Variants in PTER observed in about 807,000 individuals in gnomAD.
PTER encodes phosphotriesterase related.
A neutral mutation model predicts 29.6 loss-of-function variants in PTER; 38 were observed. That is an observed-to-expected ratio of 1.28 (90% CI 0.99 to 1.68). The LOEUF (loss-of-function observed/expected upper bound fraction) is 1.68. Ranked by LOEUF, PTER falls within the 40% of genes most tolerant of loss-of-function variation. The pLI, the probability that PTER is intolerant of heterozygous loss-of-function variation, is 0.00. For synonymous variants in PTER, 172 were observed against 154.5 expected (o/e 1.11, Z -0.84); for missense variants, 482 against 427.8 (o/e 1.13, Z -1.12).
intron 1 of PTER, among the ~76,000 whole-genome samples, chr10:16,462,909 G>A (rs1834670820): frequency 6.6e-6 from 1 of 151,574 alleles, no homozygotes. Context: ...TAAGATTGAT[G>A]GCTGCCGGGC....
At chr10:16,451,945 G>A (rs528344155) in intron 1 of PTER, among the ~76,000 whole-genome samples, 13 of 152,092 alleles carry the variant, frequency 8.5e-5, no homozygotes, top group East Asian at 5.8e-4. Context: ...ATTTATGCTC[G>A]TATCATCTTC....
chr10:16,485,382 T>G (rs1421459634), intron 2 of PTER, among the ~76,000 whole-genome samples: 1 of 152,220 alleles, frequency 6.6e-6, no homozygotes, highest in East Asian at 1.9e-4. Flanking sequence ...GGAAGTAAAT[T>G]GTTTAGGGAC....
intron 1 of PTER, among the ~76,000 whole-genome samples, chr10:16,463,299 C>A (rs1440722408): frequency 6.6e-6 from 1 of 151,776 alleles, no homozygotes; most frequent in Non-Finnish European, 1.5e-5. Context: ...TCCTGATAAA[C>A]CACTTAATTA....
chr10:16,441,246 T>C (rs996809305), intron 1 of PTER, among the ~76,000 whole-genome samples: 6 of 152,336 alleles, frequency 3.9e-5, no homozygotes, highest in African/African-American at 1.4e-4. Context: ...AGTTTTCCAA[T>C]ACAGAGGAAT....
chr10:16,471,093 C>A (rs917661054), intron 1 of PTER, among the ~76,000 whole-genome samples: 8 of 152,136 alleles, frequency 5.3e-5, no homozygotes, highest in African/African-American at 1.9e-4. Context: ...CCACCAAAGT[C>A]AAAATCAGTC....
chr10:16,505,988 G>A (rs1196722091), intron 4 of PTER, among the ~76,000 whole-genome samples: 1 of 150,338 alleles, frequency 6.7e-6, no homozygotes, highest in Non-Finnish European at 1.5e-5. Context: ...AATGGAGTAG[G>A]AACCGTTTCT....
intron 1 of PTER, 106 bp from the exon 2 acceptor site, chr10:16,484,231 T>C (rs1835591833): frequency 1.5e-6 from 1 of 682,982 alleles, no homozygotes; most frequent in East Asian, 2.7e-5. Context: ...TTGATTTGCC[T>C]TCTTACATGG....
intron 1 of PTER, among the ~76,000 whole-genome samples, chr10:16,452,619 TCTCCTC>T (rs367732268): frequency 2.0e-5 from 3 of 151,754 alleles, no homozygotes; most frequent in South Asian, 4.2e-4. Flanking sequence ...TTTTGTTTTC[TCTCCTC>T]CTCCTCCTCC....
intron 1 of PTER, among the ~76,000 whole-genome samples, chr10:16,454,197 T>G (rs1227446943): frequency 6.6e-6 from 1 of 152,228 alleles, no homozygotes; most frequent in Non-Finnish European, 1.5e-5. Flanking sequence ...ACTCCACTTC[T>G]AATCCATTTT....
rs142306365 is a variant in PTER, at chr10:16,510,967, A to G, written c.840-79A>G. 254 of 1,178,290 alleles carry G rather than the reference A, an allele frequency of 2.2e-4. 2 individuals are homozygous for G. In the Middle Eastern group the frequency reaches 8.8e-3, roughly 41 times the overall value. 73.0% of individuals were successfully genotyped at this position (1,178,290 alleles called of 1,614,324 possible). ...ATCTTTACGACAAGCACAATAGGTTAATGAGTAAAAAGTTGAAAGCATCCT... is the reference window on the plus strand; with the variant it reads ...ATCTTTACGACAAGCACAATAGGTTGATGAGTAAAAAGTTGAAAGCATCCT... On this transcript the variant is annotated intron_variant, in intron 4 of 4. Coordinates refer to ENST00000535784, the MANE Select transcript of PTER (RefSeq NM_001261836.2).
At chr10:16,438,497 C>T (rs1414129651) in intron 1 of PTER, among the ~76,000 whole-genome samples, 7 of 149,030 alleles carry the variant, frequency 4.7e-5, no homozygotes, top group South Asian at 2.1e-4. Context: ...TTGGTAGAGA[C>T]GGGGTTTTGC....
chr10:16,474,254 A>C (rs1835171042), intron 1 of PTER, among the ~76,000 whole-genome samples: 2 of 152,198 alleles, frequency 1.3e-5, no homozygotes, highest in South Asian at 4.1e-4. Flanking sequence ...CTTGGTTAAA[A>C]AAGAAAATGA....
chr10:16,467,411 A>G (rs1834875940), intron 1 of PTER, among the ~76,000 whole-genome samples: 1 of 152,144 alleles, frequency 6.6e-6, no homozygotes, highest in South Asian at 2.1e-4. Flanking sequence ...TTTTCTTTGG[A>G]TAAGAGGGCA....
Position 16,484,613 on chromosome 10 carries a change from A to G in PTER, c.229A>G (p.Thr77Ala), listed in dbSNP as rs1048102132. The change falls in exon 2 of 5, where the codon ACA (threonine) becomes GCA (alanine). Residue 77 changes from threonine (T) to alanine (A), a missense_variant. By Grantham distance (58) the Thr-to-Ala change is moderately conservative. Transcript: ENST00000535784. ...HKENLQLNQETEAIKEELLYF... is the reference protein window; with the variant it reads ...HKENLQLNQEAEAIKEELLYF... ...AGAAAACCTTCAATTAAATCAGGAGACAGAAGCCATAAAGGAAGAACTGTT... is the reference window on the plus strand; with the variant it reads ...AGAAAACCTTCAATTAAATCAGGAGGCAGAAGCCATAAAGGAAGAACTGTT... 3.7e-6 allele frequency: 6 copies of G among 1,614,032 alleles called. No individual in the cohort carries two copies. Among genetic ancestry groups the G allele is most frequent in the Non-Finnish European group, 5.1e-6 (6 of 1,180,020 alleles).
intron 4 of PTER, 150 bp downstream of exon 4, chr10:16,505,310 G>C (rs1836520820): frequency 9.8e-7 from 1 of 1,024,634 alleles, no homozygotes; most frequent in Non-Finnish European, 1.4e-6. Context: ...GTTTCAGGGA[G>C]AAAAATCTCT....
intron 1 of PTER, among the ~76,000 whole-genome samples, chr10:16,461,998 T>G (rs2133393710): frequency 6.6e-6 from 1 of 152,052 alleles, no homozygotes; most frequent in African/African-American, 2.4e-5. Context: ...TTTTTTTTTT[T>G]TTTTGAGACG....
At chr10:16,516,431 T>C (rs2298125), downstream of PTER, among the ~76,000 whole-genome samples, 34,335 of 152,080 alleles carry the variant, frequency 0.23, 4,175 homozygotes, top group South Asian at 0.29. Flanking sequence ...TGACTTGTGT[T>C]TTTTTCTCAT....
At chr10:16,467,411 A>T (rs1834875940) in intron 1 of PTER, among the ~76,000 whole-genome samples, 1 of 152,144 alleles carries the variant, frequency 6.6e-6, no homozygotes, top group Admixed American at 6.6e-5. Flanking sequence ...TTTTCTTTGG[A>T]TAAGAGGGCA....
chr10:16,503,193 T>A (rs531070592), intron 3 of PTER, among the ~76,000 whole-genome samples: 16 of 150,078 alleles, frequency 1.1e-4, no homozygotes, highest in African/African-American at 3.9e-4. Context: ...AGTGCTAGGA[T>A]TACAGACGTG....
Sources: allele counts gnomAD v4.1 joint callset (sites outside exome capture counted in the v4.1 genomes callset), GRCh38; gene constraint gnomAD v4.1.1; transcripts MANE v1.5; gene names NCBI Gene and HGNC (gene_info 2026-07-23, HGNC 2026-07-21).